SPRED2: variants seen among roughly 807,000 people sequenced by gnomAD.
The protein encoded by SPRED2 is sprouty-related, EVH1 domain-containing protein 2.
SPRED2 carries 47 observed loss-of-function variants against 43.0 expected under a neutral mutation model. That is an observed-to-expected ratio of 1.09 (90% CI 0.87 to 1.40). The LOEUF (loss-of-function observed/expected upper bound fraction) is 1.40. Ranked by LOEUF, SPRED2 falls within the 40% of genes most tolerant of loss-of-function variation. SPRED2 has a pLI of 0.00. For synonymous variants in SPRED2, 225 were observed against 225.7 expected (o/e 1.00, Z 0.03); for missense variants, 561 against 586.4 (o/e 0.96, Z 0.45).
chr2:65,371,768 G>C (rs1308699520), intron 1 of SPRED2, among the ~76,000 whole-genome samples: 1 of 132,256 alleles, frequency 7.6e-6, no homozygotes, highest in Non-Finnish European at 1.7e-5. Flanking sequence ...ATGCCAAGTA[G>C]ATTGAAAAAA....
chr2:65,350,281 T>C (rs1674471546), intron 1 of SPRED2, among the ~76,000 whole-genome samples: 1 of 152,204 alleles, frequency 6.6e-6, no homozygotes, highest in Non-Finnish European at 1.5e-5. Context: ...AAACTGCTGC[T>C]GGTATGCCTT....
chr2:65,408,080 T>C (rs1288039205), intron 1 of SPRED2, among the ~76,000 whole-genome samples: 1 of 152,182 alleles, frequency 6.6e-6, no homozygotes, highest in East Asian at 1.9e-4. Flanking sequence ...CTCTTGAGCT[T>C]CTCTCCTTGC....
At chr2:65,373,678 C>T (rs955254737) in intron 1 of SPRED2, 1 of 152,234 alleles carries the variant, frequency 6.6e-6, no homozygotes, top group African/African-American at 2.4e-5. Flanking sequence ...CAGCATTTTG[C>T]TATGACTTGC....
chr2:65,335,522 C>G (rs960072227), intron 2 of SPRED2, among the ~76,000 whole-genome samples: 1 of 152,194 alleles, frequency 6.6e-6, no homozygotes, highest in African/African-American at 2.4e-5. Flanking sequence ...AGAACAAGAA[C>G]ATGCTCTGAA....
chr2:65,349,868 G>A (rs1674460122), intron 1 of SPRED2, among the ~76,000 whole-genome samples: 1 of 152,216 alleles, frequency 6.6e-6, no homozygotes, highest in Non-Finnish European at 1.5e-5. Flanking sequence ...GGGGGAAGGG[G>A]AGGCTCAGGG....
intron 1 of SPRED2, among the ~76,000 whole-genome samples, chr2:65,351,234 C>T (rs7559283): frequency 0.68 from 102,803 of 151,876 alleles, 35,715 homozygotes; most frequent in African/African-American, 0.84. Flanking sequence ...CAAGAGAAGT[C>T]AGGTTTATAA....
chr2:65,400,653 C>A (rs1364492337), intron 1 of SPRED2, among the ~76,000 whole-genome samples: 1 of 152,078 alleles, frequency 6.6e-6, no homozygotes, highest in Non-Finnish European at 1.5e-5. Flanking sequence ...CCTTTCTGTT[C>A]TGTGTTCGTC....
At chr2:65,389,583 C>G (rs966939922) in intron 1 of SPRED2, among the ~76,000 whole-genome samples, 5 of 152,266 alleles carry the variant, frequency 3.3e-5, no homozygotes, top group Admixed American at 1.3e-4. Flanking sequence ...AAAACATCAC[C>G]CATAGCTAAA....
intron 1 of SPRED2, among the ~76,000 whole-genome samples, chr2:65,390,529 A>C (rs1004609465): frequency 6.6e-6 from 1 of 152,016 alleles, no homozygotes; most frequent in Non-Finnish European, 1.5e-5. Context: ...AATGGCCCAG[A>C]CTCTGGATCC....
At chr2:65,382,597 T>G (rs79603773) in intron 1 of SPRED2, among the ~76,000 whole-genome samples, 1,846 of 152,340 alleles carry the variant, frequency 0.012, 34 homozygotes, top group African/African-American at 0.041. Flanking sequence ...GTTTAAAATT[T>G]TCTAGTAGTC....
In SPRED2 at chr2:65,313,642, C is replaced by A; in HGVS notation, c.1116G>T (p.Glu372Asp). The change falls in exon 6 of 6, where the codon GAG (glutamate) becomes GAT (aspartate). Residue 372 changes from glutamate to aspartate, a missense_variant. Glu to Asp is a conservative substitution (Grantham distance 45). Coordinates refer to ENST00000356388, the MANE Select transcript of SPRED2 (RefSeq NM_181784.3). ...GAGCCATCCACCGGAGGCAAAACTT[C>A]TCGTCGCTAGTATCGCACGAGCAAG... Reference protein sequence around the residue: ...TDPCSCDTSDEKFCLRWMALI... With the variant: ...TDPCSCDTSDDKFCLRWMALI... 3.1e-6 allele frequency: 5 copies of A among 1,614,230 alleles called. No homozygotes were observed. The highest frequency in any genetic ancestry group is 4.2e-6 in the Non-Finnish European group (5 of 1,180,038).
chr2:65,392,473 G>A (rs954291152), intron 1 of SPRED2, among the ~76,000 whole-genome samples: 1 of 152,164 alleles, frequency 6.6e-6, no homozygotes. Flanking sequence ...ACTAAACCCA[G>A]TCTCTTCCAA....
intron 4 of SPRED2, among the ~76,000 whole-genome samples, chr2:65,326,487 G>C (rs543440097): frequency 2.6e-5 from 4 of 152,350 alleles, no homozygotes; most frequent in Non-Finnish European, 5.9e-5. Flanking sequence ...CAGCAGATCA[G>C]GAAGTAGGCC....
intron 1 of SPRED2, among the ~76,000 whole-genome samples, chr2:65,420,276 A>G (rs1035984102): frequency 6.6e-6 from 1 of 151,588 alleles, no homozygotes; most frequent in Non-Finnish European, 1.5e-5. Flanking sequence ...TGGAGGGTCT[A>G]TAGTTTATTT....
At chr2:65,377,474 C>CCATT in intron 1 of SPRED2, 1 of 423,568 alleles carries the variant, frequency 2.4e-6, no homozygotes, top group South Asian at 1.7e-5. Flanking sequence ...GCCGACCCCC[C>CCATT]AAAGCCTCAT....
Position 65,363,009 on chromosome 2 carries a change from T to TG in SPRED2, c.27-18114_27-18113insC, listed in dbSNP as rs1387147828. Among the ~76,000 whole-genome samples, 86 of 137,568 alleles carry TG rather than the reference T, an allele frequency of 6.3e-4. 2 individuals carry two copies. The highest frequency in any genetic ancestry group is 1.4e-3 in the Admixed American group (20 of 14,272). The allele number at this position is 137,568 out of a possible 152,430, so 90.2% of individuals were successfully genotyped here. Reference sequence around the variant, plus strand: ...TCTCTATGGTCATCATGTTTTGTTTTTTTTTTTTTTTTTTTTTTTTGAAAG... The same window carrying TG: ...TCTCTATGGTCATCATGTTTTGTTTTGTTTTTTTTTTTTTTTTTTTTGAAAG... On this transcript the variant is annotated intron_variant, in intron 1 of 5. Transcript: ENST00000356388.
At chr2:65,420,465 C>G (rs1044999782) in intron 1 of SPRED2, among the ~76,000 whole-genome samples, 1 of 152,228 alleles carries the variant, frequency 6.6e-6, no homozygotes, top group Non-Finnish European at 1.5e-5. Context: ...AATTCATATT[C>G]CAGTCTCTTC....
intron 1 of SPRED2, among the ~76,000 whole-genome samples, chr2:65,359,786 C>G (rs924479229): frequency 5.9e-5 from 9 of 151,984 alleles, no homozygotes; most frequent in Middle Eastern, 3.2e-3. Context: ...AAAATTGGGC[C>G]AGGTGCGGTG....
intron 1 of SPRED2, among the ~76,000 whole-genome samples, chr2:65,350,702 A>G (rs1039420978): frequency 2.0e-5 from 3 of 152,252 alleles, no homozygotes; most frequent in African/African-American, 7.2e-5. Context: ...AGAGAAAAAA[A>G]TCTTTCAAAA....
Sources: allele counts gnomAD v4.1 joint callset (sites outside exome capture counted in the v4.1 genomes callset), GRCh38; gene constraint gnomAD v4.1.1; transcripts MANE v1.5; gene names NCBI Gene and HGNC (gene_info 2026-07-23, HGNC 2026-07-21).